NRP1: variants seen among roughly 807,000 people sequenced by gnomAD.
The protein encoded by NRP1 is neuropilin-1.
NRP1 carries 35 observed loss-of-function variants against 106.7 expected under a neutral mutation model. The observed-to-expected ratio is 0.33, with a 90% CI of 0.25 to 0.43. The LOEUF (loss-of-function observed/expected upper bound fraction) is 0.43. Ranked by LOEUF, NRP1 falls within the 20% of genes least tolerant of loss-of-function variation. The probability of loss-of-function intolerance (pLI) is 1.00; values close to 1 mark genes in which losing one functional copy is unlikely to be tolerated. For missense variants in NRP1, 1,024 were observed against 1,170.4 expected (o/e 0.87, Z 1.83); for synonymous variants, 437 against 417.9 (o/e 1.05, Z -0.56).
In NRP1 at chr10:33,213,502, T is replaced by C; in HGVS notation, c.1498A>G (p.Ile500Val). The change falls in exon 9 of 17, where the codon ATT (isoleucine) becomes GTT (valine). Residue 500 changes from isoleucine (I) to valine (V), a missense_variant. Ile to Val is a conservative substitution (Grantham distance 29). Coordinates refer to ENST00000374867, the MANE Select transcript of NRP1 (RefSeq NM_003873.7). Reference protein sequence around the residue: ...GEEKIVRGIIIQGGKHRENKV... With the variant: ...GEEKIVRGIIVQGGKHRENKV... ...TTCTCTCGGTGCTTCCCACCCTGAA[T>C]GATGATGCCCCTCACGATCTTCTCC... 6 of 1,614,016 alleles carry C rather than the reference T, an allele frequency of 3.7e-6. No homozygotes were observed. The highest frequency in any genetic ancestry group is 5.1e-6 in the Non-Finnish European group (6 of 1,180,004).
chr10:33,277,408 G>C (rs1764795425), intron 2 of NRP1, among the ~76,000 whole-genome samples: 1 of 152,230 alleles, frequency 6.6e-6, no homozygotes, highest in South Asian at 2.1e-4. Flanking sequence ...CTGCACGGTA[G>C]CTCTAATTTT....
chr10:33,278,250 G>C (rs989334863), intron 2 of NRP1, among the ~76,000 whole-genome samples: 1 of 151,920 alleles, frequency 6.6e-6, no homozygotes, highest in Non-Finnish European at 1.5e-5. Context: ...GAACTCCTTC[G>C]CCAATCTTAT....
chr10:33,271,491 G>T (rs1406288731), intron 2 of NRP1, among the ~76,000 whole-genome samples: 1 of 152,098 alleles, frequency 6.6e-6, no homozygotes. Flanking sequence ...TTTCTCCCAA[G>T]AAAAAGTTTA....
intron 6 of NRP1, among the ~76,000 whole-genome samples, chr10:33,246,797 A>G (rs1055430115): frequency 6.6e-6 from 1 of 152,200 alleles, no homozygotes; most frequent in Non-Finnish European, 1.5e-5. Context: ...GATCTGAATG[A>G]GTTAATACAC....
chr10:33,328,666 A>G (rs1848062389), intron 2 of NRP1, among the ~76,000 whole-genome samples: 1 of 152,168 alleles, frequency 6.6e-6, no homozygotes, highest in Non-Finnish European at 1.5e-5. Context: ...CCAACTGTGC[A>G]CATTTCTTTG....
rs558696331 is a variant in NRP1, at chr10:33,259,765, C to A, written c.659-3294G>T. On this transcript the variant is annotated intron_variant, in intron 4 of 16. Coordinates refer to ENST00000374867, the MANE Select transcript of NRP1 (RefSeq NM_003873.7). The stretch of plus-strand genomic sequence containing the variant: ...CCATTAATCTCTCCAATAATTGTAA[C>A]CTTATCTCAGAATCAGATGATTTGG... Among the ~76,000 whole-genome samples the A allele has an allele frequency of 2.0e-5, 3 of 152,288 alleles. No individual in the cohort carries two copies. In the East Asian group the frequency reaches 5.8e-4, roughly 29 times the overall value.
At chr10:33,328,307 T>TTGTAAGCTAGGCACTA (rs1848039701) in intron 2 of NRP1, among the ~76,000 whole-genome samples, 1 of 152,128 alleles carries the variant, frequency 6.6e-6, no homozygotes, top group African/African-American at 2.4e-5. Context: ...CTAGACACCA[T>TTGTAAGCTAGGCACTA]TGTAATACTG....
intron 2 of NRP1, among the ~76,000 whole-genome samples, chr10:33,280,495 TTTTAC>T: frequency 6.6e-6 from 1 of 152,248 alleles, no homozygotes; most frequent in East Asian, 1.9e-4. Context: ...CATAGAAAAT[TTTTAC>T]TCCTTGCCAA....
chr10:33,234,706 C>T (rs1394508892), intron 6 of NRP1, among the ~76,000 whole-genome samples: 2 of 152,146 alleles, frequency 1.3e-5, no homozygotes, highest in African/African-American at 2.4e-5. Flanking sequence ...AAAAATCTCA[C>T]GAATTTTCTT....
chr10:33,198,444 CA>C (rs1231086624), intron 11 of NRP1, among the ~76,000 whole-genome samples: 3 of 151,998 alleles, frequency 2.0e-5, no homozygotes, highest in African/African-American at 7.3e-5. Flanking sequence ...GCCCAGCCTG[CA>C]ATTTTCAAGT....
chr10:33,268,282 A>T (rs771239484), intron 3 of NRP1, among the ~76,000 whole-genome samples: 1 of 152,190 alleles, frequency 6.6e-6, no homozygotes, highest in Admixed American at 6.5e-5. Flanking sequence ...TTTTGAGGAC[A>T]GTGGCTTCCT....
chr10:33,194,070 C>CT (rs1836602011), intron 12 of NRP1, among the ~76,000 whole-genome samples: 1 of 152,164 alleles, frequency 6.6e-6, no homozygotes, highest in South Asian at 2.1e-4. Flanking sequence ...CATGTCTAGT[C>CT]TATCATAGCC....
intron 2 of NRP1, among the ~76,000 whole-genome samples, chr10:33,278,249 C>T (rs957927234): frequency 3.3e-5 from 5 of 152,056 alleles, no homozygotes; most frequent in African/African-American, 9.7e-5. Context: ...TGAACTCCTT[C>T]GCCAATCTTA....
chr10:33,237,666 C>T (rs1216825107), intron 6 of NRP1, among the ~76,000 whole-genome samples: 2 of 150,018 alleles, frequency 1.3e-5, no homozygotes, highest in East Asian at 2.0e-4. Context: ...GCAACCTCCA[C>T]CTCTTGAGTT....
In NRP1 at chr10:33,274,862, T is replaced by C. The variant is rs1055727011; in HGVS notation, c.249-4006A>G. ...CATAAGCTGGAGTGAGAAATGATGT[T>C]GGCGAACACAATTTTCACCAGCAAA... On this transcript the variant is annotated intron_variant, in intron 2 of 16. Coordinates refer to ENST00000374867, the MANE Select transcript of NRP1 (RefSeq NM_003873.7). Among the ~76,000 whole-genome samples the C allele has an allele frequency of 4.4e-4, 67 of 152,182 alleles. 1 individual carries two copies. The highest frequency in any genetic ancestry group is 4.4e-3 in the Admixed American group (67 of 15,274).
At chr10:33,194,574 C>A in intron 12 of NRP1, 1 of 350,684 alleles carries the variant, frequency 2.9e-6, no homozygotes, top group South Asian at 2.4e-5. Flanking sequence ...TGACAGTCTG[C>A]CTTTACCTTC....
chr10:33,219,106 G>T (rs1839018182), intron 8 of NRP1, among the ~76,000 whole-genome samples: 1 of 152,158 alleles, frequency 6.6e-6, no homozygotes, highest in Admixed American at 6.5e-5. Flanking sequence ...GGCTCTGCTT[G>T]CTGGGGCATA....
chr10:33,269,424 G>C (rs1205155624), intron 3 of NRP1, among the ~76,000 whole-genome samples: 1 of 152,202 alleles, frequency 6.6e-6, no homozygotes, highest in Non-Finnish European at 1.5e-5. Flanking sequence ...CTCCTAAGTA[G>C]CTGGAACTGA....
chr10:33,199,347 C>T (rs1837039809), intron 11 of NRP1, among the ~76,000 whole-genome samples: 1 of 127,366 alleles, frequency 7.9e-6, no homozygotes, highest in African/African-American at 2.9e-5. Context: ...CAGGTGTGCG[C>T]CACCATGCCT....
Sources: allele counts gnomAD v4.1 joint callset (sites outside exome capture counted in the v4.1 genomes callset), GRCh38; gene constraint gnomAD v4.1.1; transcripts MANE v1.5; gene names NCBI Gene and HGNC (gene_info 2026-07-23, HGNC 2026-07-21).